Variants in ADAP2 observed in about 807,000 individuals in gnomAD.
ADAP2 encodes the protein arf-GAP with dual PH domain-containing protein 2.
A neutral mutation model predicts 54.9 loss-of-function variants in ADAP2; 42 were observed. That is an observed-to-expected ratio of 0.77 (90% CI 0.60 to 0.99). ADAP2 has a LOEUF of 0.99. ADAP2 is among the 50% of genes least tolerant of loss of function. ADAP2 has a pLI of 0.00. For missense variants in ADAP2, 429 were observed against 480.4 expected (o/e 0.89, Z 1.00); for synonymous variants, 177 against 180.1 (o/e 0.98, Z 0.14).
chr17:30,944,989 T>C lies in ADAP2; in HGVS notation c.593T>C (p.Leu198Pro). 6.2e-7 allele frequency: 1 copy of C among 1,614,136 alleles called. No individual in the cohort carries two copies. Among genetic ancestry groups the C allele is most frequent in the Non-Finnish European group, 8.5e-7 (1 of 1,180,016 alleles). ...GAGAAGATAGGGCACCCCCATGGGC[T>C]GCAGATCACCTACAGGAGAGATGGC... ...QTEKIGHPHGLQITYRRDGHT... is the reference protein window; with the variant it reads ...QTEKIGHPHGPQITYRRDGHT... The change falls in exon 6 of 11, where the codon CTG (leucine) becomes CCG (proline). Residue 198 changes from leucine (L) to proline (P), a missense_variant. By Grantham distance (98) the Leu-to-Pro change is moderately conservative. Coordinates refer to ENST00000330889, the MANE Select transcript of ADAP2 (RefSeq NM_018404.3).
chr17:30,955,706 A>T (rs1567728024), intron 9 of ADAP2, among the ~76,000 whole-genome samples: 1 of 151,540 alleles, frequency 6.6e-6, no homozygotes, highest in Admixed American at 6.6e-5. Flanking sequence ...GTCTCAAAAA[A>T]AAAAAAAGAA....
chr17:30,923,985 T>G (rs932608379), intron 2 of ADAP2, among the ~76,000 whole-genome samples: 1 of 152,100 alleles, frequency 6.6e-6, no homozygotes, highest in African/African-American at 2.4e-5. Flanking sequence ...ATTACAGGCG[T>G]GGGCCACTGT....
intron 4 of ADAP2, 60 bp from the exon 5 acceptor site, chr17:30,934,125 T>G: frequency 1.4e-5 from 19 of 1,352,052 alleles, no homozygotes; most frequent in Middle Eastern, 2.0e-4. Context: ...CAGAGGTTCC[T>G]GAGCTGCTTG....
intron 10 of ADAP2, chr17:30,957,013 G>C (rs2142610697): frequency 6.4e-6 from 1 of 156,296 alleles, no homozygotes; most frequent in Middle Eastern, 3.4e-3. Flanking sequence ...TGAAAAAAGG[G>C]GAGACATGCC....
In ADAP2 at chr17:30,958,024, A is replaced by G. The variant is rs1296361313; in HGVS notation, c.*155A>G. 8.1e-6 allele frequency: 6 copies of G among 739,172 alleles called. No individual in the cohort carries two copies. In the East Asian group the frequency reaches 1.1e-4, roughly 13 times the overall value. 45.8% of individuals were successfully genotyped at this position (739,172 alleles called of 1,614,324 possible). A position where few individuals can be genotyped will look rare whatever the true frequency, so the allele number is the denominator to read the frequency against. On this transcript the variant is annotated 3_prime_UTR_variant, in exon 11 of 11. Coordinates refer to ENST00000330889, the MANE Select transcript of ADAP2 (RefSeq NM_018404.3). ...CAGGACTGAAGCTGTGGCTTTATCC[A>G]TCAGCTCCCTGGGCCTTCCCCGCAA...
intron 5 of ADAP2, among the ~76,000 whole-genome samples, chr17:30,944,497 G>A (rs1742705074): frequency 6.6e-6 from 1 of 152,126 alleles, no homozygotes; most frequent in Admixed American, 6.5e-5. Flanking sequence ...AATTAGCCAG[G>A]TGTGGTGGCT....
Position 30,944,980 on chromosome 17 carries a change from C to T in ADAP2, c.584C>T (p.Pro195Leu), listed in dbSNP as rs749154089. 1.2e-6 allele frequency: 2 copies of T among 1,614,096 alleles called. No homozygotes were observed. Among genetic ancestry groups the T allele is most frequent in the Non-Finnish European group, 8.5e-7 (1 of 1,180,008 alleles). Residue 195 changes from proline (P) to leucine (L), a missense_variant, in exon 6 of 11, where the codon CCC becomes CTC. Pro to Leu is a moderately conservative substitution (Grantham distance 98). Transcript: ENST00000330889. ...TTCCAGACAGAGAAGATAGGGCACC[C>T]CCATGGGCTGCAGATCACCTACAGG... ...ATFQTEKIGH[P>L]HGLQITYRRD...
At chr17:30,951,537 T>G (rs931895715) in intron 7 of ADAP2, among the ~76,000 whole-genome samples, 2 of 152,144 alleles carry the variant, frequency 1.3e-5, no homozygotes, top group Non-Finnish European at 2.9e-5. Context: ...GTCTCACTTA[T>G]GTTGCCCAGG....
intron 10 of ADAP2, 85 bp downstream of exon 10, chr17:30,956,554 C>A: frequency 1.7e-6 from 2 of 1,191,006 alleles, no homozygotes; most frequent in Admixed American, 2.1e-5. Flanking sequence ...AGCTTTGATA[C>A]CACAAAAGAT....
chr17:30,955,113 A>ATT (rs113617171), intron 9 of ADAP2, among the ~76,000 whole-genome samples: 2 of 145,478 alleles, frequency 1.4e-5, no homozygotes. Context: ...GGTATCACTT[A>ATT]TTTTTTTTTT....
rs1905253138 is a variant in ADAP2 at position 30,958,814 on chromosome 17, GGGAGGTCAT to G, written c.*948_*956del. 2 of 152,022 alleles carry G rather than the reference GGGAGGTCAT, an allele frequency of 1.3e-5. No individual in the cohort carries two copies. Among genetic ancestry groups the G allele is most frequent in the African/African-American group, 4.8e-5 (2 of 41,376 alleles). The allele number at this position is 152,022 out of a possible 1,614,324, so 9.4% of individuals were successfully genotyped here. ...TGATGTGAGAGGATCACTTGAGCCA[GGGAGGTCAT>G]GGCTACAGTGACCCCTCATTGCACC... On this transcript the variant is annotated 3_prime_UTR_variant, in exon 11 of 11. Coordinates refer to ENST00000330889, the MANE Select transcript of ADAP2 (RefSeq NM_018404.3).
intron 1 of ADAP2, 123 bp from the exon 2 acceptor site, chr17:30,922,817 C>A: frequency 8.6e-7 from 1 of 1,163,274 alleles, no homozygotes; most frequent in Non-Finnish European, 1.2e-6. Flanking sequence ...AGGTGCCAGG[C>A]TGGCCGCTTA....
At position 30,956,312 on chromosome 17, in the gene ADAP2, C is replaced by A. The variant is rs758955403; in HGVS notation, c.954C>A (p.Pro318=). 1.2e-6 allele frequency: 2 copies of A among 1,614,162 alleles called. No homozygotes were observed. The highest frequency in any genetic ancestry group is 1.7e-5 in the Admixed American group (1 of 60,010). ...EQGYEAYEDL[P]KGIRGNRWKA... ...GATATGAAGCCTACGAAGACCTGCC[C>A]AAGGGCATCCGAGGAAATCGCTGGA... The change falls in exon 10 of 11, where the codon CCC becomes CCA. Residue 318 remains proline (P), a synonymous_variant. Coordinates refer to ENST00000330889, the MANE Select transcript of ADAP2 (RefSeq NM_018404.3).
At chr17:30,932,072 G>A (rs1449611903) in intron 4 of ADAP2, 104 bp downstream of exon 4, 11 of 1,082,060 alleles carry the variant, frequency 1.0e-5, no homozygotes, top group Non-Finnish European at 1.5e-5. Context: ...GATGCCTGCT[G>A]TTCTCACTGT....
At chr17:30,949,958 G>A (rs1180434433) in intron 7 of ADAP2, among the ~76,000 whole-genome samples, 1 of 152,042 alleles carries the variant, frequency 6.6e-6, no homozygotes, top group Non-Finnish European at 1.5e-5. Flanking sequence ...CTCAGCAATT[G>A]GTCATCTCTT....
intron 3 of ADAP2, among the ~76,000 whole-genome samples, chr17:30,931,633 C>T (rs1911488074): frequency 6.6e-6 from 1 of 152,014 alleles, no homozygotes; most frequent in South Asian, 2.1e-4. Context: ...CCAGCTTAGG[C>T]AACATAGGGA....
Position 30,922,942 on chromosome 17 carries a change from C to A in ADAP2, c.97C>A (p.Pro33Thr), listed in dbSNP as rs753100365. The A allele has an allele frequency of 6.2e-7, 1 of 1,613,720 alleles. No homozygotes were observed. Among genetic ancestry groups the A allele is most frequent in the South Asian group, 1.1e-5 (1 of 91,040 alleles). Reference sequence around the variant, plus strand: ...CTCTCCTGCCTCATCCCCTGCAGATCCCGACTGGGCCTCTTACAAGCTGGG... The same window carrying A: ...CTCTCCTGCCTCATCCCCTGCAGATACCGACTGGGCCTCTTACAAGCTGGG... ...AHCADCGAADPDWASYKLGIF... is the reference protein window; with the variant it reads ...AHCADCGAADTDWASYKLGIF... Residue 33 changes from proline to threonine, a missense_variant and splice_region_variant, in exon 2 of 11, where the codon CCC (proline) becomes ACC (threonine). Transcript: ENST00000330889.
intron 7 of ADAP2, among the ~76,000 whole-genome samples, chr17:30,950,656 A>G (rs1904561205): frequency 6.6e-6 from 1 of 152,006 alleles, no homozygotes; most frequent in Non-Finnish European, 1.5e-5. Context: ...CTTAATTCCA[A>G]GGTTTGTAGG....
rs148308439 is a variant in ADAP2, at chr17:30,941,171, G to A, written c.511-3736G>A. Among the ~76,000 whole-genome samples the A allele has an allele frequency of 4.8e-3, 728 of 152,292 alleles. 9 individuals carry two copies. Among genetic ancestry groups the A allele is most frequent in the African/African-American group, 0.017 (700 of 41,560 alleles). On this transcript the variant is annotated intron_variant, in intron 5 of 10. Transcript: ENST00000330889. ...ACCCATTGAGTGGAAAGTTTGCCCA[G>A]CTTTAATTTTTCAGTCAGATTTGTG... is the stretch of plus-strand genomic sequence containing the variant.
Sources: allele counts gnomAD v4.1 joint callset (sites outside exome capture counted in the v4.1 genomes callset), GRCh38; gene constraint gnomAD v4.1.1; transcripts MANE v1.5; gene names NCBI Gene and HGNC (gene_info 2026-07-23, HGNC 2026-07-21).